FLVCR1: variants seen among roughly 807,000 people sequenced by gnomAD.
FLVCR1 encodes the protein choline/ethanolamine transporter FLVCR1.
A neutral mutation model predicts 53.6 loss-of-function variants in FLVCR1; 34 were observed. The ratio of observed to expected loss-of-function variants is 0.63; its 90% CI spans 0.48 to 0.84. FLVCR1 has a LOEUF of 0.84. FLVCR1 is among the 40% of genes least tolerant of loss of function. The pLI is 0.00. For synonymous variants in FLVCR1, 300 were observed against 286.3 expected (o/e 1.05, Z -0.48); for missense variants, 677 against 696.7 (o/e 0.97, Z 0.32).
intron 7 of FLVCR1, 49 bp downstream of exon 7, chr1:212,888,643 T>A (rs2102569583): frequency 1.6e-6 from 2 of 1,228,884 alleles, no homozygotes; most frequent in East Asian, 4.7e-5. Context: ...TACCAGATAT[T>A]CTAGTGAGTA....
At position 212,858,298 on chromosome 1, in the gene FLVCR1, A is replaced by AGC. The variant is rs151032809; in HGVS notation, c.-151_-150dup. 1.1e-3 allele frequency: 771 copies of AGC among 711,830 alleles called. 5 individuals carry two copies. In the African/African-American group the frequency reaches 0.013, roughly 12 times the overall value. 44.1% of individuals were successfully genotyped at this position (711,830 alleles called of 1,614,324 possible). ...GGAGACCTTCATCTGTTCACGCGGT[A>AGC]GCGCGGATTGCGGTTCGCGGCGCGC... On this transcript the variant is annotated 5_prime_UTR_variant, in exon 1 of 10. Coordinates refer to ENST00000366971, the MANE Select transcript of FLVCR1 (RefSeq NM_014053.4).
At chr1:212,860,210 T>C (rs1664180129) in intron 1 of FLVCR1, among the ~76,000 whole-genome samples, 1 of 152,210 alleles carries the variant, frequency 6.6e-6, no homozygotes, top group African/African-American at 2.4e-5. Flanking sequence ...TGCTTTATAG[T>C]CATTTCCCTT....
chr1:212,885,868 C>CT (rs895527838), intron 5 of FLVCR1, among the ~76,000 whole-genome samples: 2 of 151,678 alleles, frequency 1.3e-5, no homozygotes, highest in Non-Finnish European at 2.9e-5. Context: ...TTTCAATACT[C>CT]TATGTATTGT....
intron 3 of FLVCR1, among the ~76,000 whole-genome samples, chr1:212,882,091 T>C (rs564111216): frequency 6.6e-6 from 1 of 152,292 alleles, no homozygotes; most frequent in South Asian, 2.1e-4. Flanking sequence ...TAACAACTAC[T>C]TTGAAGAGCA....
chr1:212,868,483 C>T (rs1167413126), intron 2 of FLVCR1, among the ~76,000 whole-genome samples: 5 of 152,126 alleles, frequency 3.3e-5, no homozygotes, highest in East Asian at 1.9e-4. Context: ...ACGCGATCTC[C>T]GCTCACCGCA....
intron 1 of FLVCR1, 26 bp from the exon 2 acceptor site, chr1:212,863,699 T>C (rs748014232): frequency 9.3e-6 from 15 of 1,612,104 alleles, no homozygotes; most frequent in Non-Finnish European, 1.3e-5. Context: ...TGATAATAGC[T>C]GTTAACAGGA....
At chr1:212,864,975 CAT>C (rs1558108558) in intron 2 of FLVCR1, among the ~76,000 whole-genome samples, 1 of 152,104 alleles carries the variant, frequency 6.6e-6, no homozygotes, top group Non-Finnish European at 1.5e-5. Flanking sequence ...AGTATTCAAA[CAT>C]GTGTAATCCA....
intron 1 of FLVCR1, among the ~76,000 whole-genome samples, chr1:212,863,340 C>G (rs997989165): frequency 6.6e-6 from 1 of 152,100 alleles, no homozygotes. Flanking sequence ...GCCTGTAATC[C>G]CAGCACTTTG....
chr1:212,869,519 A>G (rs1664537410), intron 2 of FLVCR1, among the ~76,000 whole-genome samples: 1 of 152,216 alleles, frequency 6.6e-6, no homozygotes, highest in Non-Finnish European at 1.5e-5. Flanking sequence ...AATGTAATGG[A>G]TTTAAAGACT....
intron 8 of FLVCR1, among the ~76,000 whole-genome samples, chr1:212,891,503 T>C (rs1226389950): frequency 1.3e-5 from 2 of 152,162 alleles, no homozygotes; most frequent in Admixed American, 1.3e-4. Flanking sequence ...TAATCCTCCT[T>C]CAAATTACTT....
chr1:212,871,001 C>G (rs553938775), intron 2 of FLVCR1, among the ~76,000 whole-genome samples: 13 of 152,234 alleles, frequency 8.5e-5, no homozygotes, highest in Admixed American at 5.9e-4. Flanking sequence ...AACTCCTGAC[C>G]TCACATGATC....
In FLVCR1 at chr1:212,858,785, C is replaced by G; in HGVS notation, c.333C>G (p.Leu111=). ...TALSPRRFVV[L]LIFSLYSLVN... ...TCTCCCCGCGGCGCTTCGTGGTGCT[C>G]CTGATCTTCAGCCTGTACTCGCTGG... The change falls in exon 1 of 10, where the codon CTC becomes CTG. Residue 111 remains leucine, a synonymous_variant. Transcript: ENST00000366971. 1 of 1,614,166 alleles carries G rather than the reference C, an allele frequency of 6.2e-7. No individual in the cohort carries two copies. Among genetic ancestry groups the G allele is most frequent in the Non-Finnish European group, 8.5e-7 (1 of 1,180,026 alleles).
chr1:212,887,217 A>T (rs960354005), intron 5 of FLVCR1, among the ~76,000 whole-genome samples: 12 of 152,320 alleles, frequency 7.9e-5, no homozygotes, highest in African/African-American at 2.9e-4. Context: ...TGATATATAG[A>T]TGAAGGGAGC....
At chr1:212,885,450 A>T in intron 5 of FLVCR1, 54 bp downstream of exon 5, 1 of 1,389,264 alleles carries the variant, frequency 7.2e-7, no homozygotes. Context: ...TTTGATTTTA[A>T]AGGACAATTT....
chr1:212,888,249 A>G (rs939016416), intron 6 of FLVCR1, among the ~76,000 whole-genome samples: 2 of 152,252 alleles, frequency 1.3e-5, no homozygotes, highest in Non-Finnish European at 2.9e-5. Context: ...TTATTTGGTT[A>G]CAATCAACTT....
rs1665384980 is a variant in FLVCR1 at position 212,898,008 on chromosome 1, T to C, written c.*2718T>C. The C allele has an allele frequency of 6.6e-6, 1 of 152,234 alleles. No homozygotes were observed. The allele number at this position is 152,234 out of a possible 1,614,324, so 9.4% of individuals were successfully genotyped here. ...CCTGGGGAATGTGTTATCTAAAGAATTTGACTAAGAATCAGGAACTCTGTG... is the reference window on the plus strand; with the variant it reads ...CCTGGGGAATGTGTTATCTAAAGAACTTGACTAAGAATCAGGAACTCTGTG... On this transcript the variant is annotated 3_prime_UTR_variant, in exon 10 of 10. Coordinates refer to ENST00000366971, the MANE Select transcript of FLVCR1 (RefSeq NM_014053.4).
intron 2 of FLVCR1, among the ~76,000 whole-genome samples, chr1:212,870,622 TA>T (rs535383715): frequency 4.6e-5 from 7 of 151,512 alleles, no homozygotes; most frequent in South Asian, 2.1e-4. Context: ...AATAGCCAAT[TA>T]AAAAAAAATC....
rs1410502065 is a variant in FLVCR1 at position 212,898,120 on chromosome 1, A to G, written c.*2830A>G. ...TGGGCAGCGTTTTCCTCATCCATGAAATGAATGTGTTCAATTTGATCTCAA... is the reference window on the plus strand; with the variant it reads ...TGGGCAGCGTTTTCCTCATCCATGAGATGAATGTGTTCAATTTGATCTCAA... On this transcript the variant is annotated 3_prime_UTR_variant, in exon 10 of 10. Coordinates refer to ENST00000366971, the MANE Select transcript of FLVCR1 (RefSeq NM_014053.4). 1 of 152,206 alleles carries G rather than the reference A, an allele frequency of 6.6e-6. No individual in the cohort carries two copies. The highest frequency in any genetic ancestry group is 1.5e-5 in the Non-Finnish European group (1 of 68,036). The allele number at this position is 152,206 out of a possible 1,614,324, so 9.4% of individuals were successfully genotyped here.
At chr1:212,884,384 G>A (rs1388966819) in intron 4 of FLVCR1, among the ~76,000 whole-genome samples, 1 of 152,010 alleles carries the variant, frequency 6.6e-6, no homozygotes, top group African/African-American at 2.4e-5. Context: ...GTGACAGAGT[G>A]AGACTCCATC....
Sources: allele counts gnomAD v4.1 joint callset (sites outside exome capture counted in the v4.1 genomes callset), GRCh38; gene constraint gnomAD v4.1.1; transcripts MANE v1.5; gene names NCBI Gene and HGNC (gene_info 2026-07-23, HGNC 2026-07-21).